Variants in TTC19 observed in about 807,000 individuals in gnomAD.
TTC19 encodes tetratricopeptide repeat domain 19.
A neutral mutation model predicts 49.5 loss-of-function variants in TTC19; 38 were observed. The observed-to-expected ratio is 0.77, with a 90% CI of 0.59 to 1.01. The LOEUF is 1.01. Ranked by LOEUF, TTC19 falls within the 50% of genes least tolerant of loss-of-function variation. The pLI, the probability that TTC19 is intolerant of heterozygous loss-of-function variation, is 0.00. For synonymous variants in TTC19, 204 were observed against 185.2 expected (o/e 1.10, Z -0.83); for missense variants, 475 against 477.7 (o/e 0.99, Z 0.05).
At chr17:16,030,462 A>AT (rs1262930989), downstream of TTC19, 1 of 206,716 alleles carries the variant, frequency 4.8e-6, no homozygotes, top group Non-Finnish European at 9.9e-6. Context: ...AATATAAATT[A>AT]TTAACAAACT....
At chr17:16,029,433 A>C (rs966001171), downstream of TTC19, 22 of 285,636 alleles carry the variant, frequency 7.7e-5, no homozygotes, top group African/African-American at 4.9e-4. Context: ...TCTGGGCATA[A>C]ATATTTTTAA....
At chr17:16,011,662 G>A (rs1351458727) in intron 7 of TTC19, among the ~76,000 whole-genome samples, 2 of 152,140 alleles carry the variant, frequency 1.3e-5, no homozygotes, top group African/African-American at 4.8e-5. Context: ...TTTTAAGGTT[G>A]TTGATGACTA....
intron 6 of TTC19, among the ~76,000 whole-genome samples, chr17:16,004,721 G>C (rs1396223004): frequency 1.3e-5 from 2 of 152,188 alleles, no homozygotes; most frequent in Non-Finnish European, 2.9e-5. Context: ...TTTAGGGAGA[G>C]ACCTAAGACT....
In TTC19 at chr17:16,006,474, A is replaced by G; in HGVS notation, c.582A>G (p.Arg194=). Residue 194 remains arginine, a splice_region_variant and synonymous_variant, in exon 7 of 10, where the codon AGA becomes AGG. Transcript: ENST00000261647. ...KLASIYAAQN[R]QEFAVAGYEF... ...GCTGATTATTGATTTTGCTTTACAG[A>G]CAGGAATTTGCTGTTGCTGGCTATG... is the stretch of plus-strand genomic sequence containing the variant. 6.2e-7 allele frequency: 1 copy of G among 1,605,280 alleles called. No individual in the cohort carries two copies. The highest frequency in any genetic ancestry group is 1.1e-5 in the South Asian group (1 of 90,896).
At chr17:16,031,921 C>G (rs144012237), downstream of TTC19, 11 of 251,802 alleles carry the variant, frequency 4.4e-5, no homozygotes, top group East Asian at 6.6e-4. Context: ...CATAAGTACA[C>G]CAGATACTAC....
intron 3 of TTC19, 31 bp from the exon 4 acceptor site, chr17:16,002,762 A>T (rs774908602): frequency 1.2e-5 from 20 of 1,611,484 alleles, no homozygotes; most frequent in Non-Finnish European, 1.7e-5. Context: ...CAGTATTCTA[A>T]ACTGAAAAAC....
At chr17:16,018,728 G>A (rs1392059460) in intron 7 of TTC19, among the ~76,000 whole-genome samples, 3 of 152,058 alleles carry the variant, frequency 2.0e-5, no homozygotes, top group Admixed American at 6.6e-5. Context: ...GGCTGGTCTT[G>A]AACTTCTGAG....
chr17:16,027,289 A>T (rs764584042), intron 9 of TTC19, 85 bp from the exon 10 acceptor site: 1 of 1,508,294 alleles, frequency 6.6e-7, no homozygotes, highest in African/African-American at 1.4e-5. Context: ...AATTAGCCCT[A>T]TATCTGCATT....
At chr17:16,004,299 G>T in intron 6 of TTC19, 37 bp downstream of exon 6, 1 of 1,592,614 alleles carries the variant, frequency 6.3e-7, no homozygotes. Context: ...CTGTGGGCAG[G>T]AAACTTTGAC....
chr17:16,028,818 C>CA lies in TTC19; in HGVS notation c.*1324dup, dbSNP rs59177775. The CA allele has an allele frequency of 0.076, 7,451 of 97,832 alleles. 503 individuals are homozygous for CA. Among genetic ancestry groups the CA allele is most frequent in the East Asian group, 0.13 (429 of 3,326 alleles). The allele number at this position is 97,832 out of a possible 1,614,324, so 6.1% of individuals were successfully genotyped here. Reference sequence around the variant, plus strand: ...GTATCCCAGTAATCTTTGCATTTCTCAAAAAAAAAAAAAAAAAAAAAAAAA... The same window carrying CA: ...GTATCCCAGTAATCTTTGCATTTCTCAAAAAAAAAAAAAAAAAAAAAAAAAA... On this transcript the variant is annotated 3_prime_UTR_variant, in exon 10 of 10. Coordinates refer to ENST00000261647, the MANE Select transcript of TTC19 (RefSeq NM_017775.4).
rs543454727 is a variant in TTC19 at position 16,026,804 on chromosome 17, T to C, written c.994+102T>C. The C allele has an allele frequency of 1.0e-4, 124 of 1,191,320 alleles. No homozygotes were observed. In the African/African-American group the frequency reaches 1.7e-3, roughly 16 times the overall value. 73.8% of individuals were successfully genotyped at this position (1,191,320 alleles called of 1,614,324 possible). On this transcript the variant is annotated intron_variant, in intron 9 of 9. Transcript: ENST00000261647. ...TGTAGGGAGGGCAAGGGCCAACGAA[T>C]AAACATGTAAATTAAAAGACTGGTT...
At chr17:16,024,724 TTTG>T (rs1248394278) in intron 7 of TTC19, 2 of 409,868 alleles carry the variant, frequency 4.9e-6, no homozygotes, top group Non-Finnish European at 9.1e-6. Flanking sequence ...GCCTTGACTT[TTTG>T]TTGTTAACTC....
intron 7 of TTC19, among the ~76,000 whole-genome samples, chr17:16,007,254 G>A (rs545133955): frequency 6.6e-6 from 1 of 152,110 alleles, no homozygotes; most frequent in Admixed American, 6.5e-5. Flanking sequence ...TGCCTGAAAC[G>A]ACTTCTAATA....
chr17:16,044,520 G>C (rs1296527270), exon 3 of TTC19: 1 of 486,926 alleles, frequency 2.1e-6, no homozygotes, highest in Non-Finnish European at 4.2e-6. Flanking sequence ...CACAGTGCTT[G>C]GTCCTTCCAA....
In TTC19 at chr17:16,014,075, G is replaced by C. The variant is rs532277428; in HGVS notation, c.676+7507G>C. The stretch of plus-strand genomic sequence containing the variant: ...ATTGGCTTTTTCCCCATGCTCCCCT[G>C]GTGGTTGAAACGTGAAACTATAACA... On this transcript the variant is annotated intron_variant, in intron 7 of 9. Coordinates refer to ENST00000261647, the MANE Select transcript of TTC19 (RefSeq NM_017775.4). Among the ~76,000 whole-genome samples, 6 of 152,250 alleles carry C rather than the reference G, an allele frequency of 3.9e-5. No homozygotes were observed. The South Asian group carries it at 1.2e-3, about 32-fold the overall frequency.
intron 2 of TTC19, chr17:16,041,128 C>T (rs756099593): frequency 3.9e-5 from 6 of 152,222 alleles, no homozygotes; most frequent in African/African-American, 1.4e-4. Flanking sequence ...GCATGGCTAA[C>T]TGGAAACTCA....
Position 16,039,495 on chromosome 17 carries a change from T to C in TTC19, c.248-5008T>C, listed in dbSNP as rs774282901. On this transcript the variant is annotated intron_variant, in intron 2 of 2. Transcript: ENST00000470649. ...CTCACCACTGGTCACAACTGAGGTG[T>C]TGGCAGTACCAGGCACTACTCCCAT... The C allele has an allele frequency of 3.5e-5, 57 of 1,614,002 alleles. No individual in the cohort carries two copies. The highest frequency in any genetic ancestry group is 2.9e-4 in the South Asian group (26 of 91,078).
chr17:16,030,290 G>T, downstream of TTC19: 1 of 224,992 alleles, frequency 4.4e-6, no homozygotes, highest in Non-Finnish European at 8.8e-6. Context: ...GGTTGGTCTT[G>T]CTATCTTGGG....
At chr17:16,000,865 G>T (rs141573709) in intron 2 of TTC19, among the ~76,000 whole-genome samples, 75 of 152,188 alleles carry the variant, frequency 4.9e-4, no homozygotes, top group Admixed American at 1.1e-3. Flanking sequence ...CTCAACATAC[G>T]CTTTCGCCAT....
Sources: allele counts gnomAD v4.1 joint callset (sites outside exome capture counted in the v4.1 genomes callset), GRCh38; gene constraint gnomAD v4.1.1; transcripts MANE v1.5; gene names NCBI Gene and HGNC (gene_info 2026-07-23, HGNC 2026-07-21).